Variants in ADGRG6 observed in about 807,000 individuals in gnomAD.
ADGRG6 encodes the protein adhesion G protein-coupled receptor G6.
In ADGRG6, 84 loss-of-function variants were observed where a neutral mutation model predicts 142.4. The observed-to-expected ratio is 0.59, with a 90% confidence interval of 0.49 to 0.71. The LOEUF is 0.71. ADGRG6 is among the 30% of genes least tolerant of loss of function. The pLI is 0.00. For missense variants in ADGRG6, 1,367 were observed against 1,466.6 expected (o/e 0.93, Z 1.11); for synonymous variants, 521 against 520.5 (o/e 1.00, Z -0.01).
chr6:142,314,258 A>G lies in ADGRG6; in HGVS notation c.103+4614A>G, dbSNP rs544472762. ...ATTACATAAACGTAGAAGGGGAATG[A>G]CCTGCCTTGTCACCACAGTGACAAT... On this transcript the variant is annotated intron_variant, in intron 2 of 24. Transcript: ENST00000367609. 4.6e-5 allele frequency among the ~76,000 whole-genome samples: 7 copies of G among 152,306 alleles called. No individual in the cohort carries two copies. In the South Asian group the frequency reaches 1.5e-3, roughly 32 times the overall value.
At chr6:142,373,748 T>G (rs1356662433) in intron 4 of ADGRG6, among the ~76,000 whole-genome samples, 1 of 152,144 alleles carries the variant, frequency 6.6e-6, no homozygotes, top group African/African-American at 2.4e-5. Context: ...CTCACTGTGT[T>G]GTCAAGGCTG....
chr6:142,387,905 T>C (rs922129483), intron 6 of ADGRG6, among the ~76,000 whole-genome samples: 1 of 152,208 alleles, frequency 6.6e-6, no homozygotes, highest in African/African-American at 2.4e-5. Flanking sequence ...TAATAAATTC[T>C]TTGGGCCTAG....
intron 2 of ADGRG6, among the ~76,000 whole-genome samples, chr6:142,340,848 A>G (rs1258695635): frequency 6.6e-6 from 1 of 151,934 alleles, no homozygotes; most frequent in East Asian, 1.9e-4. Context: ...GTTTGAGGAT[A>G]CTCTCATAGT....
chr6:142,354,250 G>C (rs185655792), intron 2 of ADGRG6, among the ~76,000 whole-genome samples: 1 of 152,078 alleles, frequency 6.6e-6, no homozygotes, highest in Non-Finnish European at 1.5e-5. Flanking sequence ...GTGGTGGCAC[G>C]CGCCTGTAAT....
chr6:142,327,269 A>T (rs546076625), intron 2 of ADGRG6, among the ~76,000 whole-genome samples: 48 of 143,398 alleles, frequency 3.3e-4, no homozygotes, highest in African/African-American at 1.1e-3. Context: ...GGAATTCATT[A>T]AAAAAAAAAA....
At chr6:142,333,262 A>C (rs1779150566) in intron 2 of ADGRG6, among the ~76,000 whole-genome samples, 4 of 152,150 alleles carry the variant, frequency 2.6e-5, no homozygotes, top group African/African-American at 7.2e-5. Context: ...AGATGGTTAG[A>C]AAAAGAGCAC....
At chr6:142,406,305 G>A (rs959623198) in intron 15 of ADGRG6, among the ~76,000 whole-genome samples, 3 of 151,548 alleles carry the variant, frequency 2.0e-5, no homozygotes, top group East Asian at 1.9e-4. Context: ...TTACACATCC[G>A]CAGAGTAAGA....
In ADGRG6 at chr6:142,445,831, T is replaced by G. The variant is rs756432939; in HGVS notation, c.*2316T>G. The stretch of plus-strand genomic sequence containing the variant: ...GCATCAATTCAGACTCTCTTTTCAT[T>G]ATGTTTTCTTTTCTTTTTCCCTCTT... On this transcript the variant is annotated 3_prime_UTR_variant, in exon 25 of 25. Coordinates refer to ENST00000367609, the MANE Select transcript of ADGRG6 (RefSeq NM_198569.3). 22 of 152,166 alleles carry G rather than the reference T, an allele frequency of 1.4e-4. No homozygotes were observed. The highest frequency in any genetic ancestry group is 3.2e-4 in the Non-Finnish European group (22 of 68,026). The allele number at this position is 152,166 out of a possible 1,614,324, so 9.4% of individuals were successfully genotyped here. A position where few individuals can be genotyped will look rare whatever the true frequency, so the allele number is the denominator to read the frequency against.
rs1582943645 is a variant in ADGRG6 at position 142,302,327 on chromosome 6, A to T, written c.-3A>T. 6.2e-7 allele frequency: 1 copy of T among 1,612,942 alleles called. No homozygotes were observed. The highest frequency in any genetic ancestry group is 8.5e-7 in the Non-Finnish European group (1 of 1,179,434). On this transcript the variant is annotated 5_prime_UTR_variant, in exon 1 of 25. Coordinates refer to ENST00000367609, the MANE Select transcript of ADGRG6 (RefSeq NM_198569.3). ...AAGGGGACCTCGGCGCAGTAATGTCAACATGTAAGTCTCACCTTTCAGCTT... is the reference window on the plus strand; with the variant it reads ...AAGGGGACCTCGGCGCAGTAATGTCTACATGTAAGTCTCACCTTTCAGCTT...
In ADGRG6 at chr6:142,392,938, T is replaced by G; in HGVS notation, c.1309-10T>G. 1 of 1,585,406 alleles carries G rather than the reference T, an allele frequency of 6.3e-7. No homozygotes were observed. Among genetic ancestry groups the G allele is most frequent in the Non-Finnish European group, 8.7e-7 (1 of 1,154,786 alleles). On this transcript the variant is annotated splice_polypyrimidine_tract_variant and intron_variant, in intron 7 of 24. Transcript: ENST00000367609. Reference sequence around the variant, plus strand: ...TAGCAAAACTCAGCCTTTTCCATTGTGTTTTCCAGCTCAATTCAACCTTCC... The same window carrying G: ...TAGCAAAACTCAGCCTTTTCCATTGGGTTTTCCAGCTCAATTCAACCTTCC...
intron 15 of ADGRG6, among the ~76,000 whole-genome samples, chr6:142,406,780 A>G (rs1351343712): frequency 1.3e-5 from 2 of 152,214 alleles, no homozygotes; most frequent in African/African-American, 2.4e-5. Context: ...TTTAATAGCT[A>G]TAAACATGTA....
At chr6:142,435,543 A>G (rs955836623) in intron 22 of ADGRG6, among the ~76,000 whole-genome samples, 4 of 151,448 alleles carry the variant, frequency 2.6e-5, no homozygotes, top group African/African-American at 7.2e-5. Flanking sequence ...ACATTAGAGT[A>G]TACATGTAAG....
chr6:142,312,940 T>G (rs1025995373), intron 2 of ADGRG6, among the ~76,000 whole-genome samples: 1 of 152,094 alleles, frequency 6.6e-6, no homozygotes, highest in Non-Finnish European at 1.5e-5. Flanking sequence ...AAGCAAATTA[T>G]AATCAGGCAC....
chr6:142,434,806 A>C (rs1347902050), intron 22 of ADGRG6, among the ~76,000 whole-genome samples: 2 of 152,162 alleles, frequency 1.3e-5, no homozygotes, highest in African/African-American at 4.8e-5. Context: ...ACCAAACAAC[A>C]AGCTAAACCT....
intron 16 of ADGRG6, 146 bp downstream of exon 16, chr6:142,408,415 G>C (rs923351270): frequency 3.5e-5 from 19 of 538,992 alleles, no homozygotes; most frequent in Non-Finnish European, 6.2e-5. Context: ...CAACTGATCA[G>C]GTAGTGCTTT....
intron 6 of ADGRG6, among the ~76,000 whole-genome samples, chr6:142,387,746 A>G (rs779673644): frequency 3.3e-5 from 5 of 152,230 alleles, no homozygotes; most frequent in Non-Finnish European, 5.9e-5. Flanking sequence ...GGGAAAGATT[A>G]ATTGGAGAGA....
intron 6 of ADGRG6, among the ~76,000 whole-genome samples, chr6:142,387,624 A>G (rs1468150406): frequency 6.6e-6 from 1 of 152,210 alleles, no homozygotes; most frequent in Non-Finnish European, 1.5e-5. Context: ...ATTTTTTCAA[A>G]TAGGCCTATC....
intron 10 of ADGRG6, among the ~76,000 whole-genome samples, chr6:142,398,163 A>T (rs761817801): frequency 1.1e-4 from 17 of 152,224 alleles, no homozygotes; most frequent in Non-Finnish European, 2.2e-4. Flanking sequence ...ATGGTGGCTC[A>T]TGCCTATAAT....
In ADGRG6 at chr6:142,370,762, A is replaced by C; in HGVS notation, c.1038A>C (p.Leu346=). The C allele has an allele frequency of 1.2e-6, 2 of 1,613,300 alleles. No homozygotes were observed. Among genetic ancestry groups the C allele is most frequent in the Non-Finnish European group, 1.7e-6 (2 of 1,179,722 alleles). The part of the protein sequence containing the change: ...WQNDFWNIPN[L]ALKAESNLSC... ...ATGACTTCTGGAATATCCCAAACCT[A>C]GCTCTGAAAGCTGAAAGCAACCTAA... The change falls in exon 4 of 25, where the codon CTA becomes CTC. Residue 346 remains leucine, a synonymous_variant. Transcript: ENST00000367609.
Sources: gnomAD v4.1 joint callset for allele counts (sites outside exome capture counted in the v4.1 genomes callset) on GRCh38, gnomAD v4.1.1 for gene constraint, MANE v1.5 for transcripts, NCBI Gene and HGNC (gene_info 2026-07-23, HGNC 2026-07-21) for gene names.